Variants in ACP3 observed in about 807,000 individuals in gnomAD.
ACP3 encodes prostatic acid phosphatase.
ACP3 carries 38 observed loss-of-function variants against 45.6 expected under a neutral mutation model. The observed-to-expected ratio is 0.83, with a 90% CI of 0.64 to 1.09. ACP3 has a LOEUF of 1.09. Ranked by LOEUF, ACP3 falls within the 50% of genes least tolerant of loss-of-function variation. The probability of loss-of-function intolerance (pLI) is 0.00; values close to 1 mark genes in which losing one functional copy is unlikely to be tolerated. For synonymous variants in ACP3, 162 were observed against 164.7 expected (o/e 0.98, Z 0.13); for missense variants, 466 against 463.2 (o/e 1.01, Z -0.05).
chr3:132,340,673 CT>C (rs1373872328), intron 5 of ACP3, among the ~76,000 whole-genome samples: 1 of 152,116 alleles, frequency 6.6e-6, no homozygotes, highest in African/African-American at 2.4e-5. Context: ...TTTTTTCCTA[CT>C]TATTGAAGCT....
Position 132,357,445 on chromosome 3 carries a change from T to C in ACP3, c.*567T>C, listed in dbSNP as rs1160328171. The C allele has an allele frequency of 1.0e-6, 1 of 985,242 alleles. No individual in the cohort carries two copies. The highest frequency in any genetic ancestry group is 1.7e-5 in the African/African-American group (1 of 57,256). 61.0% of individuals were successfully genotyped at this position (985,242 alleles called of 1,614,324 possible). On this transcript the variant is annotated 3_prime_UTR_variant, in exon 10 of 10. Transcript: ENST00000336375. ...TGGAAAGTTTTCTCCACTGGAAAAC[T>C]GCTACTATCTGTTTTTATATTTCTG...
intron 6 of ACP3, among the ~76,000 whole-genome samples, chr3:132,344,107 A>C (rs773574182): frequency 1.7e-4 from 26 of 152,022 alleles, no homozygotes; most frequent in Non-Finnish European, 3.2e-4. Flanking sequence ...GCGAAATTTC[A>C]TCTCTACTAA....
chr3:132,332,643 A>G (rs1490398081), intron 4 of ACP3: 1 of 289,984 alleles, frequency 3.4e-6, no homozygotes. Context: ...AGGGAGATAG[A>G]CAAGTCCCCC....
intron 1 of ACP3, among the ~76,000 whole-genome samples, chr3:132,327,863 T>C (rs966992637): frequency 2.0e-5 from 3 of 152,190 alleles, no homozygotes; most frequent in Admixed American, 2.0e-4. Context: ...AGAGTTTGTC[T>C]GCAGTAAAGT....
In ACP3 at chr3:132,358,197, G is replaced by A; in HGVS notation, c.*1319G>A. 9.5e-7 allele frequency: 1 copy of A among 1,051,940 alleles called. No individual in the cohort carries two copies. The highest frequency in any genetic ancestry group is 1.2e-6 in the Non-Finnish European group (1 of 856,500). 65.2% of individuals were successfully genotyped at this position (1,051,940 alleles called of 1,614,324 possible). On this transcript the variant is annotated 3_prime_UTR_variant, in exon 10 of 10. Coordinates refer to ENST00000336375, the MANE Select transcript of ACP3 (RefSeq NM_001099.5). ...TTTAGGCCTGGTGTGTTCAAGACCA[G>A]CCTGGTCAACATAGTGAGACACTGT...
At chr3:132,335,174 G>A (rs1309206540) in intron 4 of ACP3, among the ~76,000 whole-genome samples, 1 of 152,150 alleles carries the variant, frequency 6.6e-6, no homozygotes, top group Non-Finnish European at 1.5e-5. Context: ...TGAAAGCCAT[G>A]CATGCAAATT....
Position 132,332,552 on chromosome 3 carries a change from G to T in ACP3, c.456+208G>T. On this transcript the variant is annotated intron_variant, in intron 4 of 9. Transcript: ENST00000336375. ...ACCAAATTTCTCTTTGGATCTGTATGATCCACTTTGTTTTGCCACTCTTGC... is the reference window on the plus strand; with the variant it reads ...ACCAAATTTCTCTTTGGATCTGTATTATCCACTTTGTTTTGCCACTCTTGC... 5.2e-6 allele frequency: 3 copies of T among 575,084 alleles called. No individual in the cohort carries two copies. The South Asian group carries it at 7.4e-5, about 14-fold the overall frequency. 35.6% of individuals were successfully genotyped at this position (575,084 alleles called of 1,614,324 possible).
chr3:132,329,913 C>CT (rs59644798), intron 2 of ACP3, among the ~76,000 whole-genome samples: 2,257 of 119,884 alleles, frequency 0.019, 71 homozygotes, highest in East Asian at 0.084. Context: ...TGTCTAGGTA[C>CT]TTTTTTTTTT....
chr3:132,352,882 T>C, intron 9 of ACP3, 59 bp downstream of exon 9: 1 of 1,273,946 alleles, frequency 7.8e-7, no homozygotes, highest in Non-Finnish European at 1.1e-6. Flanking sequence ...TCATTATTAT[T>C]ATTTTGGGTT....
At chr3:132,317,959 C>CA (rs969423110) in intron 1 of ACP3, among the ~76,000 whole-genome samples, 1 of 152,068 alleles carries the variant, frequency 6.6e-6, no homozygotes, top group Admixed American at 6.5e-5. Context: ...GTTTGCAAGC[C>CA]AAAAAACAGT....
At chr3:132,337,584 TGTTA>T in intron 5 of ACP3, 30 bp downstream of exon 5, 1 of 1,388,568 alleles carries the variant, frequency 7.2e-7, no homozygotes, top group Middle Eastern at 1.8e-4. Flanking sequence ...TAGTGGTACT[TGTTA>T]GTTTGTTAGT....
At chr3:132,319,052 C>G (rs1032758547) in intron 1 of ACP3, among the ~76,000 whole-genome samples, 1 of 152,170 alleles carries the variant, frequency 6.6e-6, no homozygotes, top group African/African-American at 2.4e-5. Context: ...AAATACAAAG[C>G]TAGCTCTCTT....
chr3:132,363,037 C>G (rs938085239), downstream of ACP3, among the ~76,000 whole-genome samples: 1 of 152,160 alleles, frequency 6.6e-6, no homozygotes, highest in Non-Finnish European at 1.5e-5. Flanking sequence ...GGACAATGCT[C>G]TGGCAAACTC....
chr3:132,367,826 G>A (rs758717806), exon 11 of ACP3: 2 of 1,603,312 alleles, frequency 1.2e-6, no homozygotes, highest in Non-Finnish European at 1.7e-6. Flanking sequence ...CATCTGAACA[G>A]ACAGCTGGAT....
rs1484477886 is a variant in ACP3 at position 132,342,496 on chromosome 3, A to G, written c.556-56A>G. 7 of 1,230,974 alleles carry G rather than the reference A, an allele frequency of 5.7e-6. No individual in the cohort carries two copies. The Admixed American group carries it at 1.4e-4, about 24-fold the overall frequency. 76.3% of individuals were successfully genotyped at this position (1,230,974 alleles called of 1,614,324 possible). A position where few individuals can be genotyped will look rare whatever the true frequency, so the allele number is the denominator to read the frequency against. On this transcript the variant is annotated intron_variant, in intron 5 of 9. Transcript: ENST00000336375. ...CAATTGTCTGGCCCAAAATATCAAT[A>G]ATGCTGAAGCTGAGAAACCTGTGTA...
intron 4 of ACP3, among the ~76,000 whole-genome samples, chr3:132,335,297 C>T (rs1576414450): frequency 6.6e-6 from 1 of 152,090 alleles, no homozygotes; most frequent in Non-Finnish European, 1.5e-5. Context: ...ACAGAAAAGA[C>T]ACTGGAGCCT....
chr3:132,354,675 G>T (rs1937837409), intron 9 of ACP3, among the ~76,000 whole-genome samples: 1 of 152,126 alleles, frequency 6.6e-6, no homozygotes, highest in Admixed American at 6.5e-5. Flanking sequence ...GAGTATTTTA[G>T]ATTTTCAACC....
chr3:132,347,589 C>T (rs1937625023), intron 7 of ACP3, among the ~76,000 whole-genome samples: 1 of 152,094 alleles, frequency 6.6e-6, no homozygotes, highest in African/African-American at 2.4e-5. Context: ...AAGCGATCCT[C>T]CCACCTCAGA....
chr3:132,340,219 G>A (rs1463975102), intron 5 of ACP3, among the ~76,000 whole-genome samples: 1 of 151,384 alleles, frequency 6.6e-6, no homozygotes, highest in Non-Finnish European at 1.5e-5. Context: ...GGAGGCTGAG[G>A]CAAGAGAATC....
Sources: gnomAD v4.1 joint callset for allele counts (sites outside exome capture counted in the v4.1 genomes callset) on GRCh38, gnomAD v4.1.1 for gene constraint, MANE v1.5 for transcripts, NCBI Gene and HGNC (gene_info 2026-07-23, HGNC 2026-07-21) for gene names.